KPNA6: variants seen among roughly 807,000 people sequenced by gnomAD.
KPNA6 encodes importin subunit alpha-7.
In KPNA6, 9 loss-of-function variants were observed where a neutral mutation model predicts 72.0. The observed-to-expected ratio is 0.13, with a 90% CI of 0.08 to 0.22. KPNA6 has a LOEUF of 0.22. Among genes scored for constraint, KPNA6 ranks in the 10% least tolerant of loss-of-function variants. KPNA6 has a pLI of 1.00. For synonymous variants in KPNA6, 219 were observed against 242.1 expected (o/e 0.90, Z 0.89); for missense variants, 374 against 655.7 (o/e 0.57, Z 4.69).
At chr1:32,125,763 A>AT in intron 1 of KPNA6, among the ~76,000 whole-genome samples, 2 of 152,146 alleles carry the variant, frequency 1.3e-5, no homozygotes, top group South Asian at 4.1e-4. Flanking sequence ...CAGAATCCTA[A>AT]TTTTTTGAAT....
At chr1:32,156,073 G>A (rs989881990) in intron 2 of KPNA6, among the ~76,000 whole-genome samples, 1 of 151,232 alleles carries the variant, frequency 6.6e-6, no homozygotes, top group Non-Finnish European at 1.5e-5. Context: ...ACCTGATTTT[G>A]CCCACCCTTT....
chr1:32,159,373 T>G, intron 5 of KPNA6, 27 bp from the exon 6 acceptor site: 1 of 1,612,624 alleles, frequency 6.2e-7, no homozygotes, highest in Admixed American at 1.7e-5. Context: ...AAATGACCTT[T>G]CAATCATTGC....
At chr1:32,122,792 C>G (rs1641457388) in intron 1 of KPNA6, among the ~76,000 whole-genome samples, 1 of 151,806 alleles carries the variant, frequency 6.6e-6, no homozygotes, top group Non-Finnish European at 1.5e-5. Flanking sequence ...CCCCTCTCTA[C>G]TAAAAATACA....
At position 32,162,562 on chromosome 1, in the gene KPNA6, C is replaced by T; in HGVS notation, c.911+38C>T. Reference sequence around the variant, plus strand: ...AGAAGGGGTACAGGTTCTGGCTGGGCACGGTGGCTTATGCTTATAATCCCA... The same window carrying T: ...AGAAGGGGTACAGGTTCTGGCTGGGTACGGTGGCTTATGCTTATAATCCCA... On this transcript the variant is annotated intron_variant, in intron 9 of 13. Coordinates refer to ENST00000373625, the MANE Select transcript of KPNA6 (RefSeq NM_012316.5). 5 of 1,609,310 alleles carry T rather than the reference C, an allele frequency of 3.1e-6. No individual in the cohort carries two copies. The East Asian group carries it at 1.1e-4, about 36-fold the overall frequency.
chr1:32,108,733 G>C (rs1452991789), intron 1 of KPNA6, among the ~76,000 whole-genome samples: 1 of 152,236 alleles, frequency 6.6e-6, no homozygotes, highest in Non-Finnish European at 1.5e-5. Context: ...GCTCAGAGTG[G>C]CATCGCTTGT....
chr1:32,129,249 A>G (rs960823709), intron 1 of KPNA6, among the ~76,000 whole-genome samples: 1 of 145,390 alleles, frequency 6.9e-6, no homozygotes, highest in Non-Finnish European at 1.5e-5. Context: ...TGCAACCTCT[A>G]CCTACCTTCC....
At chr1:32,157,511 C>A in intron 4 of KPNA6, 66 bp downstream of exon 4, 3 of 1,142,388 alleles carry the variant, frequency 2.6e-6, no homozygotes, top group South Asian at 1.3e-5. Context: ...TCACTGATGT[C>A]ATCAACTTAC....
intron 1 of KPNA6, among the ~76,000 whole-genome samples, chr1:32,110,406 A>C (rs1641226509): frequency 6.6e-6 from 1 of 152,270 alleles, no homozygotes; most frequent in Admixed American, 6.5e-5. Context: ...AAGGAAGCAG[A>C]AATTATTCAC....
chr1:32,147,134 C>A (rs1209675761), intron 1 of KPNA6, among the ~76,000 whole-genome samples: 1 of 152,114 alleles, frequency 6.6e-6, no homozygotes, highest in African/African-American at 2.4e-5. Context: ...AGATTACAGG[C>A]CCAGCCAGCA....
chr1:32,109,770 G>A (rs985630951), intron 1 of KPNA6, among the ~76,000 whole-genome samples: 6 of 150,706 alleles, frequency 4.0e-5, no homozygotes, highest in African/African-American at 7.3e-5. Context: ...TCAGCCTCCC[G>A]AGTAGTTGGG....
chr1:32,146,765 CATAT>C (rs894674247), intron 1 of KPNA6, among the ~76,000 whole-genome samples: 2 of 152,144 alleles, frequency 1.3e-5, no homozygotes, highest in African/African-American at 4.8e-5. Context: ...TATATCTGCC[CATAT>C]AGTTACCTTT....
At position 32,108,114 on chromosome 1, in the gene KPNA6, G is replaced by A; in HGVS notation, c.-17G>A. On this transcript the variant is annotated 5_prime_UTR_variant, in exon 1 of 14. Transcript: ENST00000373625. ...CGCCGTTGCCTCCGCCGCCAAGAGT[G>A]AGCGAGCGGACCCGCGATGGGTGAG... is the stretch of plus-strand genomic sequence containing the variant. 1 of 1,614,080 alleles carries A rather than the reference G, an allele frequency of 6.2e-7. No individual in the cohort carries two copies. The highest frequency in any genetic ancestry group is 8.5e-7 in the Non-Finnish European group (1 of 1,179,962).
intron 1 of KPNA6, among the ~76,000 whole-genome samples, chr1:32,135,173 T>A (rs57855735): frequency 0.026 from 4,005 of 152,232 alleles, 179 homozygotes; most frequent in African/African-American, 0.09. Context: ...GTTCAAGTGA[T>A]TCTCCTGCTT....
At position 32,125,333 on chromosome 1, in the gene KPNA6, T is replaced by A. The variant is rs1023363097; in HGVS notation, c.4+17199T>A. The stretch of plus-strand genomic sequence containing the variant: ...AACAATTTGAAACAATTAAAAATTA[T>A]TTAGTGAGTTTTTAGACTTTTGCTT... On this transcript the variant is annotated intron_variant, in intron 1 of 13. Transcript: ENST00000373625. Among the ~76,000 whole-genome samples the A allele has an allele frequency of 2.0e-5, 3 of 152,236 alleles. No individual in the cohort carries two copies. The East Asian group carries it at 5.8e-4, about 29-fold the overall frequency.
At chr1:32,122,147 G>A (rs1203030931) in intron 1 of KPNA6, among the ~76,000 whole-genome samples, 1 of 151,562 alleles carries the variant, frequency 6.6e-6, no homozygotes, top group African/African-American at 2.4e-5. Context: ...GGTGGCAGGC[G>A]CCTGTAATCC....
chr1:32,110,415 A>T (rs1336425369), intron 1 of KPNA6, among the ~76,000 whole-genome samples: 1 of 152,106 alleles, frequency 6.6e-6, no homozygotes, highest in Non-Finnish European at 1.5e-5. Flanking sequence ...GAAATTATTC[A>T]CTTGAGCTTC....
chr1:32,116,067 C>T (rs909923678), intron 1 of KPNA6, among the ~76,000 whole-genome samples: 9 of 152,178 alleles, frequency 5.9e-5, no homozygotes, highest in African/African-American at 9.6e-5. Context: ...GAACCAGTCT[C>T]GTTAGAGCCT....
intron 2 of KPNA6, among the ~76,000 whole-genome samples, chr1:32,155,915 ATTTTTTTTT>A (rs747284319): frequency 2.5e-4 from 26 of 105,050 alleles, no homozygotes; most frequent in African/African-American, 9.6e-4. Context: ...ATTTTTGTGG[ATTTTTTTTT>A]TTTTTTTTTT....
intron 1 of KPNA6, among the ~76,000 whole-genome samples, chr1:32,135,765 G>A (rs2123997754): frequency 6.6e-6 from 1 of 151,662 alleles, no homozygotes; most frequent in Middle Eastern, 3.4e-3. Flanking sequence ...GCCATGCCTG[G>A]CCATAGAGTT....
Sources: allele counts gnomAD v4.1 joint callset (sites outside exome capture counted in the v4.1 genomes callset), GRCh38; gene constraint gnomAD v4.1.1; transcripts MANE v1.5; gene names NCBI Gene and HGNC (gene_info 2026-07-23, HGNC 2026-07-21).